Variants in E4F1 observed in about 807,000 individuals in gnomAD.
E4F1 encodes transcription factor E4F1.
In E4F1, 30 loss-of-function variants were observed where a neutral mutation model predicts 72.9. The observed-to-expected ratio is 0.41, with a 90% CI of 0.31 to 0.56. E4F1 has a LOEUF of 0.56. Among genes scored for constraint, E4F1 ranks in the 20% least tolerant of loss-of-function variants. The pLI is 0.25. For missense variants in E4F1, 1,091 were observed against 1,117.5 expected, an observed-to-expected ratio of 0.98 and a Z score of 0.34; for synonymous variants, 542 against 478.2, an observed-to-expected ratio of 1.13 and a Z score of -1.74.
At chr16:2,233,757 G>T in intron 8 of E4F1, 110 bp downstream of exon 8, 3 of 1,434,520 alleles carry the variant, frequency 2.1e-6, no homozygotes, top group South Asian at 1.3e-5. Context: ...TTTGTCCATT[G>T]ATCTGTTTAC....
chr16:2,234,104 G>A (rs868587726), intron 9 of E4F1, 67 bp from the exon 10 acceptor site: 7 of 1,578,926 alleles, frequency 4.4e-6, no homozygotes, highest in Middle Eastern at 1.9e-4. Flanking sequence ...GGATCTGTGG[G>A]CAGGTGGCAG....
intron 3 of E4F1, chr16:2,230,962 C>T (rs970173862): frequency 6.6e-6 from 1 of 152,576 alleles, no homozygotes; most frequent in Admixed American, 6.5e-5. Context: ...CAGCCTCCAG[C>T]CCTAGGCTCA....
At chr16:2,224,071 T>A in intron 1 of E4F1, 1 of 1,017,356 alleles carries the variant, frequency 9.8e-7, no homozygotes, top group Non-Finnish European at 1.3e-6. Context: ...CCGGCCCTTC[T>A]CTGCCTCCGA....
intron 1 of E4F1, among the ~76,000 whole-genome samples, chr16:2,226,359 C>A (rs1385037633): frequency 6.6e-6 from 1 of 152,156 alleles, no homozygotes; most frequent in Non-Finnish European, 1.5e-5. Flanking sequence ...AGTGGCAATG[C>A]CCTGGAGCCG....
chr16:2,232,050 C>T, intron 3 of E4F1, 121 bp from the exon 4 acceptor site: 1 of 1,249,320 alleles, frequency 8.0e-7, no homozygotes, highest in East Asian at 2.3e-5. Context: ...GTTGAGGGCT[C>T]AGTGCAGGTT....
chr16:2,234,518 C>T (rs1200903278), intron 10 of E4F1, 65 bp from the exon 11 acceptor site: 25 of 1,546,428 alleles, frequency 1.6e-5, no homozygotes, highest in African/African-American at 6.8e-5. Flanking sequence ...GGGCCACAGG[C>T]GGGAGGGGAG....
At chr16:2,229,258 GGCCCA>G (rs1158221075) in intron 2 of E4F1, among the ~76,000 whole-genome samples, 1 of 152,256 alleles carries the variant, frequency 6.6e-6, no homozygotes, top group Non-Finnish European at 1.5e-5. Context: ...CCTGCAGACT[GGCCCA>G]GCTTCCTGCC....
In E4F1 at chr16:2,229,554, C is replaced by A. The variant is rs748182529; in HGVS notation, c.310-16C>A. 1 of 1,606,836 alleles carries A rather than the reference C, an allele frequency of 6.2e-7. No homozygotes were observed. The highest frequency in any genetic ancestry group is 1.1e-5 in the South Asian group (1 of 91,052). On this transcript the variant is annotated splice_polypyrimidine_tract_variant and intron_variant, in intron 2 of 13. Coordinates refer to ENST00000301727, the MANE Select transcript of E4F1 (RefSeq NM_004424.5). ...AGCATACAGACGACTCCCCTGTTTT[C>A]TTCCCCCTTTGGCAGGTGGTGCCGG...
rs539378764 is a variant in E4F1 at position 2,229,183 on chromosome 16, C to T, written c.310-387C>T. 9.1e-4 allele frequency among the ~76,000 whole-genome samples: 138 copies of T among 152,330 alleles called. 3 individuals carry two copies. Among genetic ancestry groups the T allele is most frequent in the Admixed American group, 8.2e-3 (125 of 15,310 alleles). ...CTCCTCCAGGAAGGCCTCTGGCCCA[C>T]ACCTCCAGGGCCCTCTCCTCACACC... On this transcript the variant is annotated intron_variant, in intron 2 of 13. Coordinates refer to ENST00000301727, the MANE Select transcript of E4F1 (RefSeq NM_004424.5).
In E4F1 at chr16:2,223,664, C is replaced by T. The variant is rs763883207; in HGVS notation, c.51C>T (p.Ala17=). The part of the protein sequence containing the change: ...VRVTAAHTAE[A]QAEAGREAGE... ...TGACGGCCGCTCATACGGCAGAAGC[C>T]CAGGCCGAAGCCGGGCGGGAAGCGG... Residue 17 remains alanine, a synonymous_variant, in exon 1 of 14, where the codon GCC becomes GCT. Coordinates refer to ENST00000301727, the MANE Select transcript of E4F1 (RefSeq NM_004424.5). 4 of 1,585,888 alleles carry T rather than the reference C, an allele frequency of 2.5e-6. 1 individual carries two copies. In the South Asian group the frequency reaches 4.5e-5, roughly 18 times the overall value.
intron 4 of E4F1, 46 bp downstream of exon 4, chr16:2,232,410 C>G: frequency 6.2e-7 from 1 of 1,603,566 alleles, no homozygotes; most frequent in Non-Finnish European, 8.5e-7. Flanking sequence ...CAGGCCCCCT[C>G]CTGTTCCCCC....
At position 2,234,746 on chromosome 16, in the gene E4F1, A is replaced by AGCAC. The variant is rs1218916270; in HGVS notation, c.1759_1762dup (p.Gly588AlafsTer25). On this transcript the variant is annotated frameshift_variant, in exon 11 of 14. Coordinates refer to ENST00000301727, the MANE Select transcript of E4F1 (RefSeq NM_004424.5). LOFTEE classifies it high-confidence loss of function. ...TACAAGTGCGGCCGTGGCTTCGCCG[A>AGCAC]GCACGGCACGCTGAACCGGCACCTG... The AGCAC allele has an allele frequency of 3.9e-6, 6 of 1,535,624 alleles. No homozygotes were observed. The highest frequency in any genetic ancestry group is 5.3e-6 in the Non-Finnish European group (6 of 1,140,178).
chr16:2,234,491 G>C (rs967959264), intron 10 of E4F1, 92 bp from the exon 11 acceptor site: 2 of 1,563,624 alleles, frequency 1.3e-6, no homozygotes, highest in African/African-American at 2.7e-5. Context: ...GCTCAGTCTT[G>C]ACCCAGCCCC....
intron 5 of E4F1, 79 bp downstream of exon 5, chr16:2,232,655 C>T (rs1241933201): frequency 6.2e-7 from 1 of 1,604,274 alleles, no homozygotes; most frequent in Non-Finnish European, 8.5e-7. Context: ...TCGCATTCCC[C>T]AGCTTTGGGG....
Position 2,235,107 on chromosome 16 carries a change from T to G in E4F1, c.1962T>G (p.Ser654Arg). The G allele has an allele frequency of 6.2e-7, 1 of 1,611,050 alleles. No individual in the cohort carries two copies. Among genetic ancestry groups the G allele is most frequent in the Non-Finnish European group, 8.5e-7 (1 of 1,179,694 alleles). Reference protein sequence around the residue: ...IEATADDAETSEATEIIEGTQ... With the variant: ...IEATADDAETREATEIIEGTQ... ...CCACTGCGGACGATGCGGAGACCAG[T>G]GAGGCCACGGAGATCATCGAGGGCA... Residue 654 changes from serine (S) to arginine (R), a missense_variant, in exon 13 of 14, where the codon AGT becomes AGG. This residue lies in a region of E4F1 where 622 missense variants were observed against 628.0 expected (regional missense o/e 0.99). Transcript: ENST00000301727.
At position 2,234,885 on chromosome 16, in the gene E4F1, T is replaced by A; in HGVS notation, c.1819T>A (p.Leu607Met). The change falls in exon 12 of 14, where the codon TTG becomes ATG. Residue 607 changes from leucine to methionine, a missense_variant. By Grantham distance (15) the Leu-to-Met change is conservative. This residue lies in a region of E4F1 where 622 missense variants were observed against 628.0 expected (regional missense o/e 0.99). Transcript: ENST00000301727. ...KGGCLLEVEELLVSEDSPAAA... is the reference protein window; with the variant it reads ...KGGCLLEVEEMLVSEDSPAAA... ...GGGCTGCCTGCTGGAGGTGGAGGAGTTGCTGGTGTCTGAGGACAGCCCCGC... is the reference window on the plus strand; with the variant it reads ...GGGCTGCCTGCTGGAGGTGGAGGAGATGCTGGTGTCTGAGGACAGCCCCGC... 1.3e-6 allele frequency: 2 copies of A among 1,549,766 alleles called. No individual in the cohort carries two copies. The highest frequency in any genetic ancestry group is 1.7e-6 in the Non-Finnish European group (2 of 1,147,000).
intron 1 of E4F1, among the ~76,000 whole-genome samples, chr16:2,225,484 T>A (rs1305981420): frequency 1.3e-5 from 2 of 151,452 alleles, no homozygotes; most frequent in African/African-American, 4.8e-5. Flanking sequence ...TCTTTTTTTT[T>A]TTTTTTGAGA....
chr16:2,232,715 C>A (rs1486131621), intron 5 of E4F1, 41 bp from the exon 6 acceptor site: 2 of 1,610,744 alleles, frequency 1.2e-6, no homozygotes, highest in Admixed American at 1.7e-5. Context: ...TTGTCGCCAG[C>A]CTGCTGGGGC....
chr16:2,226,330 C>T (rs1038745615), intron 1 of E4F1, among the ~76,000 whole-genome samples: 6 of 152,112 alleles, frequency 3.9e-5, no homozygotes, highest in African/African-American at 1.4e-4. Context: ...GTGTCCCCTT[C>T]TGGGGTAGGG....
Sources: allele counts gnomAD v4.1 joint callset (sites outside exome capture counted in the v4.1 genomes callset), GRCh38; gene constraint gnomAD v4.1.1; regional missense constraint gnomAD v4.1.1; transcripts MANE v1.5; gene names NCBI Gene and HGNC (gene_info 2026-07-23, HGNC 2026-07-21).